Variants in PFKP observed in about 807,000 individuals in gnomAD.
PFKP encodes ATP-dependent 6-phosphofructokinase, platelet type.
PFKP carries 101 observed loss-of-function variants against 94.3 expected under a neutral mutation model. The observed-to-expected ratio is 1.07, with a 90% CI of 0.91 to 1.26. The LOEUF is 1.26. PFKP is among the 50% of genes most tolerant of loss of function. The pLI is 0.00. For synonymous variants in PFKP, 573 were observed against 432.6 expected (o/e 1.32, Z -4.03); for missense variants, 1,145 against 1,103.3 (o/e 1.04, Z -0.53).
chr10:3,120,516 C>T (rs1356602051), intron 16 of PFKP, among the ~76,000 whole-genome samples: 1 of 152,068 alleles, frequency 6.6e-6, no homozygotes, highest in African/African-American at 2.4e-5. Flanking sequence ...CTGAATGCAC[C>T]ATTGCATTTG....
At chr10:3,094,878 T>C (rs1419724783) in intron 2 of PFKP, among the ~76,000 whole-genome samples, 1 of 152,036 alleles carries the variant, frequency 6.6e-6, no homozygotes, top group Non-Finnish European at 1.5e-5. Flanking sequence ...CTTGATTCTG[T>C]AGGAAACAAA....
At chr10:3,108,624 GC>G (rs988696221) in intron 8 of PFKP, 76 bp from the exon 9 acceptor site, 1 of 1,064,398 alleles carries the variant, frequency 9.4e-7, no homozygotes, top group African/African-American at 1.6e-5. Context: ...CTTTTCCAGT[GC>G]CCAGTACCTC....
At chr10:3,118,715 C>T (rs557486848) in intron 14 of PFKP, 67 bp from the exon 15 acceptor site, 30 of 1,115,988 alleles carry the variant, frequency 2.7e-5, no homozygotes, top group African/African-American at 2.3e-4. Flanking sequence ...TGGGGACCGG[C>T]GTGGCGTCCT....
At chr10:3,094,983 C>T (rs1018526302) in intron 2 of PFKP, among the ~76,000 whole-genome samples, 2 of 152,140 alleles carry the variant, frequency 1.3e-5, no homozygotes, top group African/African-American at 2.4e-5. Context: ...ATCTGGAAGG[C>T]ACTTTTAAAG....
In PFKP at chr10:3,071,706, G is replaced by A. The variant is rs1302862905; in HGVS notation, c.112+3999G>A. ...TGGGAAGTCCAGGTGCATCCTTAGGGTAGGCTGCATGTGAAAGCTGCGTCC... is the reference window on the plus strand; with the variant it reads ...TGGGAAGTCCAGGTGCATCCTTAGGATAGGCTGCATGTGAAAGCTGCGTCC... On this transcript the variant is annotated intron_variant, in intron 1 of 21. Coordinates refer to ENST00000381125, the MANE Select transcript of PFKP (RefSeq NM_002627.5). Among the ~76,000 whole-genome samples, 10 of 152,280 alleles carry A rather than the reference G, an allele frequency of 6.6e-5. No homozygotes were observed. The East Asian group carries it at 1.7e-3, about 26-fold the overall frequency.
At chr10:3,114,937 C>A (rs915175026) in intron 13 of PFKP, among the ~76,000 whole-genome samples, 5 of 152,196 alleles carry the variant, frequency 3.3e-5, no homozygotes, top group Non-Finnish European at 7.3e-5. Flanking sequence ...GGCAGGGCTC[C>A]CAGCCGGGGC....
intron 16 of PFKP, among the ~76,000 whole-genome samples, chr10:3,121,654 C>A (rs895604148): frequency 1.2e-4 from 17 of 145,920 alleles, no homozygotes; most frequent in Non-Finnish European, 7.5e-5. Flanking sequence ...AACCAAAATA[C>A]GTGGGGCAAA....
intron 17 of PFKP, among the ~76,000 whole-genome samples, chr10:3,131,986 C>T (rs959018967): frequency 6.6e-6 from 1 of 152,082 alleles, no homozygotes; most frequent in Admixed American, 6.5e-5. Context: ...ATCAGGCCGT[C>T]ACATGAGATT....
In PFKP at chr10:3,087,984, CTTT is replaced by C. The variant is rs1224829610; in HGVS notation, c.186+5543_186+5545del. ...ATATAAAAATCCTGTATCTTTCATT[CTTT>C]TTTTTTTTTTTTTTTTTTTACATTA... On this transcript the variant is annotated intron_variant, in intron 2 of 21. Coordinates refer to ENST00000381125, the MANE Select transcript of PFKP (RefSeq NM_002627.5). Among the ~76,000 whole-genome samples the C allele has an allele frequency of 2.8e-3, 274 of 96,592 alleles. 4 individuals are homozygous for C. The East Asian group carries it at 0.083, about 29-fold the overall frequency. The allele number at this position is 96,592 out of a possible 152,430, so 63.4% of individuals were successfully genotyped here.
chr10:3,079,176 A>T (rs950894752), intron 1 of PFKP, among the ~76,000 whole-genome samples: 1 of 151,762 alleles, frequency 6.6e-6, no homozygotes, highest in Non-Finnish European at 1.5e-5. Context: ...GATTGAGTTT[A>T]GTGCTGGGGT....
chr10:3,125,559 A>G (rs77820476), intron 16 of PFKP, among the ~76,000 whole-genome samples: 4,426 of 152,174 alleles, frequency 0.029, 241 homozygotes, highest in East Asian at 0.17. Flanking sequence ...CTGAGTAGTG[A>G]GGCTGCAGGG....
intron 20 of PFKP, among the ~76,000 whole-genome samples, chr10:3,135,196 C>A (rs1839099676): frequency 6.6e-6 from 1 of 152,116 alleles, no homozygotes; most frequent in African/African-American, 2.4e-5. Flanking sequence ...CACCCCCACC[C>A]CCCTCAGCTT....
At chr10:3,078,119 G>GA (rs1333902175) in intron 1 of PFKP, among the ~76,000 whole-genome samples, 2 of 152,218 alleles carry the variant, frequency 1.3e-5, no homozygotes, top group Admixed American at 6.5e-5. Flanking sequence ...GAAAGACTCT[G>GA]AAACTGCCCT....
chr10:3,113,294 G>A (rs1007186178), intron 12 of PFKP, 78 bp from the exon 13 acceptor site: 29 of 1,574,994 alleles, frequency 1.8e-5, no homozygotes, highest in South Asian at 4.6e-5. Context: ...GGCACGGCAT[G>A]AGCCACTGCC....
chr10:3,128,907 G>A (rs1838252391), intron 16 of PFKP: 2 of 152,376 alleles, frequency 1.3e-5, no homozygotes, highest in Non-Finnish European at 2.9e-5. Context: ...GACCTGGGGT[G>A]GCTGGAACAG....
chr10:3,099,167 G>A (rs1834750101), intron 2 of PFKP, 108 bp from the exon 3 acceptor site: 1 of 856,860 alleles, frequency 1.2e-6, no homozygotes, highest in East Asian at 2.5e-5. Context: ...AGTGGATGCT[G>A]AGGAACTGAC....
At position 3,101,530 on chromosome 10, in the gene PFKP, C is replaced by T. The variant is rs780720379; in HGVS notation, c.430C>T (p.Leu144=). The change falls in exon 4 of 22, where the codon CTG becomes TTG. Residue 144 remains leucine (L), a synonymous_variant. Transcript: ENST00000381125. ...CCTCTTCCGGAAGGAGTGGAGTGGG[C>T]TGCTGGAGGAGCTGGCCAGGAACGG... ...ANLFRKEWSG[L]LEELARNGQI... 6.4e-7 allele frequency: 1 copy of T among 1,560,998 alleles called. No individual in the cohort carries two copies. The highest frequency in any genetic ancestry group is 8.7e-7 in the Non-Finnish European group (1 of 1,152,822).
Position 3,132,419 on chromosome 10 carries a change from A to G in PFKP, c.1888A>G (p.Ile630Val). 6.2e-7 allele frequency: 1 copy of G among 1,611,902 alleles called. No homozygotes were observed. Among genetic ancestry groups the G allele is most frequent in the Non-Finnish European group, 8.5e-7 (1 of 1,178,022 alleles). ...EHLTEKMKTT[I>V]QRGLVLRNES... Reference sequence around the variant, plus strand: ...CCTGACGGAGAAAATGAAGACCACCATCCAGAGAGGCCTTGTGCTCAGGTG... The same window carrying G: ...CCTGACGGAGAAAATGAAGACCACCGTCCAGAGAGGCCTTGTGCTCAGGTG... The change falls in exon 18 of 22, where the codon ATC (isoleucine) becomes GTC (valine). Residue 630 changes from isoleucine to valine, a missense_variant. Physicochemically the swap from Ile to Val is conservative, Grantham distance 29. Transcript: ENST00000381125.
intron 1 of PFKP, among the ~76,000 whole-genome samples, chr10:3,081,508 G>A (rs1159133912): frequency 6.6e-6 from 1 of 152,238 alleles, no homozygotes; most frequent in Non-Finnish European, 1.5e-5. Flanking sequence ...GAAGGCTCAG[G>A]TGTTCCTCAT....
Sources: gnomAD v4.1 joint callset for allele counts (sites outside exome capture counted in the v4.1 genomes callset) on GRCh38, gnomAD v4.1.1 for gene constraint, MANE v1.5 for transcripts, NCBI Gene and HGNC (gene_info 2026-07-23, HGNC 2026-07-21) for gene names.